ASIC2: variants seen among roughly 807,000 people sequenced by gnomAD.
The protein encoded by ASIC2 is acid-sensing ion channel 2.
ASIC2 carries 25 observed loss-of-function variants against 57.3 expected under a neutral mutation model. The ratio of observed to expected loss-of-function variants is 0.44; its 90% CI spans 0.32 to 0.61. The LOEUF (loss-of-function observed/expected upper bound fraction) is 0.61, where lower values mean the gene tolerates loss of function less well. Among genes scored for constraint, ASIC2 ranks in the 20% least tolerant of loss-of-function variants. ASIC2 has a pLI of 0.06. For missense variants in ASIC2, 641 were observed against 738.1 expected (o/e 0.87, Z 1.52); for synonymous variants, 319 against 307.5 (o/e 1.04, Z -0.39).
At chr17:33,494,827 T>A (rs1354849262) in intron 1 of ASIC2, among the ~76,000 whole-genome samples, 1 of 152,194 alleles carries the variant, frequency 6.6e-6, no homozygotes, top group Non-Finnish European at 1.5e-5. Flanking sequence ...CTCTGCAGGT[T>A]AGATATGGAG....
intron 1 of ASIC2, among the ~76,000 whole-genome samples, chr17:33,367,746 T>C (rs1416022658): frequency 6.6e-6 from 1 of 152,200 alleles, no homozygotes; most frequent in Non-Finnish European, 1.5e-5. Flanking sequence ...CTGCCACCAT[T>C]GTTAACAAGG....
intron 1 of ASIC2, among the ~76,000 whole-genome samples, chr17:33,120,415 C>G (rs1400125819): frequency 6.6e-6 from 1 of 152,186 alleles, no homozygotes; most frequent in Admixed American, 6.5e-5. Context: ...GAAAACAACA[C>G]GAAGGGGAAC....
At chr17:33,386,621 C>G (rs931259561) in intron 1 of ASIC2, among the ~76,000 whole-genome samples, 6 of 152,152 alleles carry the variant, frequency 3.9e-5, no homozygotes, top group Non-Finnish European at 8.8e-5. Context: ...TACCTAATGC[C>G]ACATCATTCT....
At chr17:34,011,003 C>CACACAG (rs1555580898) in intron 1 of ASIC2, among the ~76,000 whole-genome samples, 4 of 58,908 alleles carry the variant, frequency 6.8e-5, no homozygotes, top group African/African-American at 2.2e-4. Context: ...GTCAGACACA[C>CACACAG]ACACACACAG....
chr17:33,350,949 G>A (rs1227470063), intron 1 of ASIC2, among the ~76,000 whole-genome samples: 1 of 152,110 alleles, frequency 6.6e-6, no homozygotes, highest in Non-Finnish European at 1.5e-5. Flanking sequence ...AACATTTTGG[G>A]ATTCCACAGC....
At chr17:34,055,986 T>G (rs1166080222) in intron 1 of ASIC2, among the ~76,000 whole-genome samples, 1 of 152,048 alleles carries the variant, frequency 6.6e-6, no homozygotes, top group Non-Finnish European at 1.5e-5. Context: ...TTACAGTAGT[T>G]GAGAAAAGAG....
chr17:33,388,545 A>G (rs1284409921), intron 1 of ASIC2, among the ~76,000 whole-genome samples: 1 of 152,122 alleles, frequency 6.6e-6, no homozygotes, highest in East Asian at 1.9e-4. Flanking sequence ...GTGCATATTC[A>G]TGGATGGTCT....
chr17:33,015,720 C>G (rs1170089189), intron 9 of ASIC2, among the ~76,000 whole-genome samples: 1 of 152,158 alleles, frequency 6.6e-6, no homozygotes, highest in East Asian at 1.9e-4. Context: ...CTGGATTGGG[C>G]CAGGCAGTTC....
chr17:33,312,393 C>T lies in ASIC2; in HGVS notation c.556-200326G>A, dbSNP rs1242558339. On this transcript the variant is annotated intron_variant, in intron 1 of 9. Transcript: ENST00000359872. Reference sequence around the variant, plus strand: ...CCATGGATCCAAGTTAGGAAGTGACCTTTCTGCCAAATGTAGTCTGTTGTT... The same window carrying T: ...CCATGGATCCAAGTTAGGAAGTGACTTTTCTGCCAAATGTAGTCTGTTGTT... Among the ~76,000 whole-genome samples, 6 of 152,120 alleles carry T rather than the reference C, an allele frequency of 3.9e-5. No homozygotes were observed. In the East Asian group the frequency reaches 1.2e-3, roughly 29 times the overall value.
intron 1 of ASIC2, chr17:34,039,218 C>T: frequency 6.2e-7 from 1 of 1,613,942 alleles, no homozygotes; most frequent in South Asian, 1.1e-5. Flanking sequence ...TTTTCTAGTG[C>T]AGATATTTTT....
At chr17:34,128,314 C>CA (rs1160036679) in intron 1 of ASIC2, among the ~76,000 whole-genome samples, 3 of 152,106 alleles carry the variant, frequency 2.0e-5, no homozygotes, top group African/African-American at 7.2e-5. Context: ...ACTGAATTCC[C>CA]AGGGACCCCA....
chr17:33,483,209 G>A (rs578112224), intron 1 of ASIC2, among the ~76,000 whole-genome samples: 7 of 152,164 alleles, frequency 4.6e-5, no homozygotes, highest in Non-Finnish European at 1.5e-5. Context: ...CAGCATCACC[G>A]GCCCTGGCAT....
At chr17:33,172,477 G>A (rs1230922286) in intron 1 of ASIC2, among the ~76,000 whole-genome samples, 1 of 152,212 alleles carries the variant, frequency 6.6e-6, no homozygotes, top group East Asian at 1.9e-4. Context: ...TATCCTAGGT[G>A]TAGGGTGCAG....
At chr17:33,856,692 G>A (rs552145877) in intron 1 of ASIC2, among the ~76,000 whole-genome samples, 4 of 152,092 alleles carry the variant, frequency 2.6e-5, no homozygotes, top group Non-Finnish European at 5.9e-5. Flanking sequence ...CAGAGGAATG[G>A]TGAGTGTGAG....
At chr17:34,142,311 C>T (rs1427699984) in intron 1 of ASIC2, among the ~76,000 whole-genome samples, 1 of 152,132 alleles carries the variant, frequency 6.6e-6, no homozygotes, top group Non-Finnish European at 1.5e-5. Flanking sequence ...CAAGGGAACA[C>T]AGTCCAGAGT....
At chr17:33,285,935 T>C (rs1028230333) in intron 1 of ASIC2, among the ~76,000 whole-genome samples, 1 of 152,220 alleles carries the variant, frequency 6.6e-6, no homozygotes, top group African/African-American at 2.4e-5. Context: ...CCGCAAGTCA[T>C]AATAATGGAA....
At chr17:34,071,489 T>G (rs1425382237) in intron 1 of ASIC2, 1 of 152,036 alleles carries the variant, frequency 6.6e-6, no homozygotes, top group Admixed American at 6.6e-5. Flanking sequence ...ATAAGGACAC[T>G]TATAAAAGAA....
chr17:33,739,816 GAA>G (rs1276664339), intron 1 of ASIC2, among the ~76,000 whole-genome samples: 2 of 106,210 alleles, frequency 1.9e-5, no homozygotes, highest in African/African-American at 7.3e-5. Flanking sequence ...AAGAAAGAGA[GAA>G]AGAAAGAAAG....
chr17:33,586,652 G>A (rs781667612), intron 1 of ASIC2, among the ~76,000 whole-genome samples: 1 of 152,106 alleles, frequency 6.6e-6, no homozygotes, highest in Admixed American at 6.5e-5. Context: ...ATTATTGCTT[G>A]TTACAGGATT....
Sources: allele counts gnomAD v4.1 joint callset (sites outside exome capture counted in the v4.1 genomes callset), GRCh38; gene constraint gnomAD v4.1.1; transcripts MANE v1.5; gene names NCBI Gene and HGNC (gene_info 2026-07-23, HGNC 2026-07-21).